The following CENPH variants were observed in gnomAD, a reference collection of about 807,000 sequenced individuals.
CENPH encodes the protein centromere protein H, also known as CENP-H.
Under a neutral mutation model 42.9 loss-of-function variants are expected in CENPH, and 40 were observed. The ratio of observed to expected loss-of-function variants is 0.93; its 90% CI spans 0.72 to 1.21. The LOEUF (loss-of-function observed/expected upper bound fraction) is 1.21. CENPH is among the 50% of genes most tolerant of loss of function. The pLI, the probability that CENPH is intolerant of heterozygous loss-of-function variation, is 0.00. For missense variants in CENPH, 302 were observed against 292.9 expected, an observed-to-expected ratio of 1.03 and a Z score of -0.23; for synonymous variants, 88 against 96.5, an observed-to-expected ratio of 0.91 and a Z score of 0.52.
In CENPH at chr5:69,191,853, A is replaced by G. The variant is rs1198555567; in HGVS notation, c.190+3A>G. The G allele has an allele frequency of 6.7e-7, 1 of 1,488,288 alleles. No individual in the cohort carries two copies. Among genetic ancestry groups the G allele is most frequent in the Admixed American group, 1.7e-5 (1 of 58,068 alleles). The allele number at this position is 1,488,288 out of a possible 1,614,324, so 92.2% of individuals were successfully genotyped here. On this transcript the variant is annotated splice_donor_region_variant and intron_variant, in intron 2 of 8. Transcript: ENST00000283006. ...ATATAAATCAATGGTTGATGCAAGT[A>G]AGTATTTTCATTTTCAAATTAGGGT...
At chr5:69,192,616 A>C (rs1012708617) in intron 2 of CENPH, among the ~76,000 whole-genome samples, 1 of 152,158 alleles carries the variant, frequency 6.6e-6, no homozygotes, top group South Asian at 2.1e-4. Context: ...TCGTCCCTAC[A>C]AAAATAAAAA....
intron 1 of CENPH, 151 bp downstream of exon 1, chr5:69,189,919 TTCA>T: frequency 1.1e-6 from 1 of 923,204 alleles, no homozygotes; most frequent in South Asian, 2.0e-5. Flanking sequence ...AAGCTCTTTC[TTCA>T]TCAGCGAAAA....
At chr5:69,191,215 A>G (rs1747865566) in intron 1 of CENPH, among the ~76,000 whole-genome samples, 1 of 152,148 alleles carries the variant, frequency 6.6e-6, no homozygotes, top group Non-Finnish European at 1.5e-5. Flanking sequence ...CTGGCCTATT[A>G]AAAATAATCT....
chr5:69,205,529 T>C (rs559113128), intron 7 of CENPH, among the ~76,000 whole-genome samples: 2 of 151,982 alleles, frequency 1.3e-5, no homozygotes, highest in East Asian at 3.9e-4. Context: ...GACCGGCCTT[T>C]TTGTTTTTTG....
chr5:69,200,981 A>G (rs1580227470), intron 5 of CENPH, among the ~76,000 whole-genome samples: 1 of 148,232 alleles, frequency 6.7e-6, no homozygotes, highest in Non-Finnish European at 1.5e-5. Flanking sequence ...CAAGGGATCC[A>G]CTGTACCTGA....
At chr5:69,201,198 C>T (rs1254135941) in intron 5 of CENPH, among the ~76,000 whole-genome samples, 1 of 152,130 alleles carries the variant, frequency 6.6e-6, no homozygotes, top group African/African-American at 2.4e-5. Context: ...CTGTGGCACT[C>T]TGAAGTATGA....
intron 4 of CENPH, among the ~76,000 whole-genome samples, chr5:69,196,633 C>G (rs1747968681): frequency 6.6e-6 from 1 of 152,044 alleles, no homozygotes; most frequent in Non-Finnish European, 1.5e-5. Context: ...GGTGACAGAG[C>G]AAGATTCCCT....
intron 7 of CENPH, among the ~76,000 whole-genome samples, chr5:69,203,403 G>C (rs928120422): frequency 2.6e-5 from 4 of 151,952 alleles, no homozygotes; most frequent in African/African-American, 9.7e-5. Context: ...ATCTCACTCT[G>C]TCGCCCATGC....
intron 5 of CENPH, 38 bp from the exon 6 acceptor site, chr5:69,202,468 A>C (rs191102395): frequency 3.3e-6 from 4 of 1,197,388 alleles, no homozygotes. Context: ...TTAAGTTACA[A>C]ATAACCTTAA....
At chr5:69,202,877 A>G in intron 6 of CENPH, 42 bp from the exon 7 acceptor site, 1 of 1,219,818 alleles carries the variant, frequency 8.2e-7, no homozygotes, top group Non-Finnish European at 1.2e-6. Flanking sequence ...GTTTGTCCTT[A>G]CATACAGTAA....
At chr5:69,194,204 G>C (rs1457268004) in intron 2 of CENPH, among the ~76,000 whole-genome samples, 7 of 151,876 alleles carry the variant, frequency 4.6e-5, no homozygotes, top group Non-Finnish European at 8.8e-5. Context: ...AGCCACCCAG[G>C]CTGGAGTGCA....
At chr5:69,209,640 G>C (rs760817855) in intron 8 of CENPH, 67 bp from the exon 9 acceptor site, 2 of 710,934 alleles carry the variant, frequency 2.8e-6, no homozygotes, top group Non-Finnish European at 4.8e-6. Flanking sequence ...CATGAAAAAT[G>C]ATATTCTAAA....
At chr5:69,196,906 A>G in intron 4 of CENPH, 147 bp from the exon 5 acceptor site, 5 of 548,392 alleles carry the variant, frequency 9.1e-6, no homozygotes. Flanking sequence ...TTATTTCTCA[A>G]AGTATTTCTC....
intron 7 of CENPH, among the ~76,000 whole-genome samples, chr5:69,206,035 AT>A (rs1158093704): frequency 2.6e-5 from 4 of 151,214 alleles, no homozygotes; most frequent in Admixed American, 2.6e-4. Context: ...TCTTAAATTT[AT>A]TTTTCTATAG....
intron 6 of CENPH, 102 bp from the exon 7 acceptor site, chr5:69,202,817 C>G (rs1421545413): frequency 1.4e-6 from 1 of 734,746 alleles, no homozygotes; most frequent in East Asian, 2.8e-5. Flanking sequence ...AAAACTGGAA[C>G]TTTAGATAAC....
At chr5:69,196,096 G>A (rs549866264) in intron 4 of CENPH, among the ~76,000 whole-genome samples, 2 of 152,086 alleles carry the variant, frequency 1.3e-5, no homozygotes, top group African/African-American at 4.8e-5. Flanking sequence ...GCAAAACCAC[G>A]CTTGGCTAAT....
chr5:69,193,663 G>GTT (rs527294772), intron 2 of CENPH, among the ~76,000 whole-genome samples: 100 of 135,476 alleles, frequency 7.4e-4, no homozygotes, highest in Admixed American at 1.2e-3. Context: ...TGTTTTTTCT[G>GTT]TTTTTTTTTT....
At chr5:69,198,367 C>G (rs915778845) in intron 5 of CENPH, among the ~76,000 whole-genome samples, 12 of 151,756 alleles carry the variant, frequency 7.9e-5, no homozygotes, top group African/African-American at 2.7e-4. Context: ...GCAGCTCACT[C>G]CAACCTCCAT....
At chr5:69,200,073 A>G (rs1053176240) in intron 5 of CENPH, among the ~76,000 whole-genome samples, 2 of 149,582 alleles carry the variant, frequency 1.3e-5, no homozygotes, top group African/African-American at 4.9e-5. Flanking sequence ...AGATTGTGCC[A>G]CTACACTCCA....
Sources: allele counts gnomAD v4.1 joint callset (sites outside exome capture counted in the v4.1 genomes callset), GRCh38; gene constraint gnomAD v4.1.1; transcripts MANE v1.5; gene names NCBI Gene and HGNC (gene_info 2026-07-23, HGNC 2026-07-21).